TSHZ2: variants seen among roughly 807,000 people sequenced by gnomAD.
TSHZ2 encodes teashirt homolog 2.
Under a neutral mutation model 74.4 loss-of-function variants are expected in TSHZ2, and 21 were observed. The observed-to-expected ratio is 0.28, with a 90% CI of 0.20 to 0.41. The LOEUF is 0.41. Among genes scored for constraint, TSHZ2 ranks in the 10% least tolerant of loss-of-function variants. TSHZ2 has a pLI of 1.00. For synonymous variants in TSHZ2, 540 were observed against 515.3 expected, an observed-to-expected ratio of 1.05 and a Z score of -0.65; for missense variants, 1,244 against 1,293.5, an observed-to-expected ratio of 0.96 and a Z score of 0.59.
chr20:53,106,708 T>G (rs527753362), intron 1 of TSHZ2, among the ~76,000 whole-genome samples: 12 of 96,710 alleles, frequency 1.2e-4, no homozygotes, highest in African/African-American at 5.6e-4. Flanking sequence ...TTTTTTTTTG[T>G]TTTTTTTTTG....
intron 1 of TSHZ2, among the ~76,000 whole-genome samples, chr20:53,195,817 G>A (rs1048552794): frequency 3.9e-5 from 6 of 152,244 alleles, no homozygotes; most frequent in South Asian, 4.1e-4. Context: ...AGTATTTCAC[G>A]GAGCAGCCCT....
intron 1 of TSHZ2, among the ~76,000 whole-genome samples, chr20:52,997,867 T>G (rs1982264652): frequency 6.8e-6 from 1 of 146,544 alleles, no homozygotes; most frequent in Admixed American, 6.7e-5. Flanking sequence ...ACTCCCCTGC[T>G]TTTAGGATAA....
At chr20:53,098,679 A>G (rs1048368450) in intron 1 of TSHZ2, among the ~76,000 whole-genome samples, 7 of 152,198 alleles carry the variant, frequency 4.6e-5, no homozygotes, top group Admixed American at 1.3e-4. Flanking sequence ...TCAGGGGGGA[A>G]TTTCCCTCTC....
chr20:53,116,056 CT>C (rs1184248492), intron 1 of TSHZ2, among the ~76,000 whole-genome samples: 1 of 152,142 alleles, frequency 6.6e-6, no homozygotes, highest in African/African-American at 2.4e-5. Flanking sequence ...TGCATTACTT[CT>C]CTTCCTTATA....
chr20:53,344,597 T>C (rs1980361320), intron 2 of TSHZ2, among the ~76,000 whole-genome samples: 1 of 152,166 alleles, frequency 6.6e-6, no homozygotes, highest in African/African-American at 2.4e-5. Context: ...GAAAAATCAC[T>C]GAATTCACAA....
chr20:53,165,523 C>G (rs898582548), intron 1 of TSHZ2, among the ~76,000 whole-genome samples: 2 of 152,192 alleles, frequency 1.3e-5, no homozygotes, highest in Admixed American at 6.5e-5. Flanking sequence ...CTGACAGGTA[C>G]CTCACTTGTC....
intron 1 of TSHZ2, among the ~76,000 whole-genome samples, chr20:53,150,518 A>G (rs1045929107): frequency 5.3e-5 from 8 of 152,292 alleles, no homozygotes; most frequent in East Asian, 1.9e-4. Flanking sequence ...CATATCCTCA[A>G]TTTAGTCTCT....
chr20:53,046,072 T>C (rs185269986), intron 1 of TSHZ2, among the ~76,000 whole-genome samples: 2 of 152,162 alleles, frequency 1.3e-5, no homozygotes, highest in African/African-American at 4.8e-5. Flanking sequence ...CCAGATTCCT[T>C]CTTGAGCTTT....
chr20:53,265,207 T>C (rs1296431152), intron 2 of TSHZ2, among the ~76,000 whole-genome samples: 2 of 152,072 alleles, frequency 1.3e-5, no homozygotes, highest in East Asian at 3.9e-4. Flanking sequence ...GCCACACAGC[T>C]AACAGACTTC....
intron 2 of TSHZ2, among the ~76,000 whole-genome samples, chr20:53,334,787 G>A (rs139670480): frequency 0.019 from 2,925 of 152,128 alleles, 42 homozygotes; most frequent in Non-Finnish European, 0.028. Flanking sequence ...GGGTTCAAGC[G>A]ATTCTCTTGC....
At chr20:53,441,675 C>A (rs556889586) in intron 2 of TSHZ2, among the ~76,000 whole-genome samples, 69 of 144,736 alleles carry the variant, frequency 4.8e-4, no homozygotes, top group African/African-American at 1.7e-3. Flanking sequence ...CCCTGCCTCC[C>A]AAGTTCAAGC....
intron 1 of TSHZ2, among the ~76,000 whole-genome samples, chr20:53,175,159 T>TTTTTTTTTTTC (rs1221311949): frequency 7.5e-6 from 1 of 134,102 alleles, no homozygotes; most frequent in African/African-American, 3.0e-5. Context: ...TTTTTTTTTT[T>TTTTTTTTTTTC]CAACGGAGTT....
intron 1 of TSHZ2, among the ~76,000 whole-genome samples, chr20:53,006,141 G>A (rs1250933645): frequency 6.6e-6 from 1 of 152,150 alleles, no homozygotes; most frequent in African/African-American, 2.4e-5. Context: ...GTTGTAAGAT[G>A]TTCAACATTA....
chr20:53,038,601 G>C (rs1457792031), intron 1 of TSHZ2, among the ~76,000 whole-genome samples: 2 of 152,110 alleles, frequency 1.3e-5, no homozygotes, highest in Non-Finnish European at 2.9e-5. Context: ...GCCTCCCCAA[G>C]CTCTCATTCT....
chr20:53,203,548 A>T (rs1316945393), intron 1 of TSHZ2, among the ~76,000 whole-genome samples: 2 of 151,992 alleles, frequency 1.3e-5, no homozygotes, highest in African/African-American at 2.4e-5. Flanking sequence ...AATGAGAAAG[A>T]TGGTGATAAA....
At chr20:53,443,533 C>T (rs1984422924) in intron 2 of TSHZ2, among the ~76,000 whole-genome samples, 1 of 152,218 alleles carries the variant, frequency 6.6e-6, no homozygotes. Flanking sequence ...AACCCCGATT[C>T]TTCCATCCAT....
At chr20:53,305,350 G>A (rs1461545616) in intron 2 of TSHZ2, among the ~76,000 whole-genome samples, 1 of 152,166 alleles carries the variant, frequency 6.6e-6, no homozygotes, top group Non-Finnish European at 1.5e-5. Flanking sequence ...TTATGCTGTA[G>A]CCCGGTAGAA....
chr20:53,248,215 C>T (rs1990248558), intron 1 of TSHZ2, among the ~76,000 whole-genome samples: 1 of 151,890 alleles, frequency 6.6e-6, no homozygotes, highest in Non-Finnish European at 1.5e-5. Flanking sequence ...GGACCATAGG[C>T]ATGCACCATT....
chr20:53,350,733 A>G (rs753642511), intron 2 of TSHZ2, among the ~76,000 whole-genome samples: 5 of 152,228 alleles, frequency 3.3e-5, no homozygotes, highest in Admixed American at 6.5e-5. Flanking sequence ...TTTAAAGGTA[A>G]CTGTTTTTCA....
Sources: allele counts gnomAD v4.1 joint callset (sites outside exome capture counted in the v4.1 genomes callset), GRCh38; gene constraint gnomAD v4.1.1; transcripts MANE v1.5; gene names NCBI Gene and HGNC (gene_info 2026-07-23, HGNC 2026-07-21).